Variants in TMEM117 observed in about 807,000 individuals in gnomAD.
TMEM117 encodes the protein transmembrane protein 117.
In TMEM117, 27 loss-of-function variants were observed where a neutral mutation model predicts 52.4. The ratio of observed to expected loss-of-function variants is 0.51; its 90% CI spans 0.38 to 0.71. The LOEUF is 0.71. TMEM117 is among the 30% of genes least tolerant of loss of function. The pLI, the probability that TMEM117 is intolerant of heterozygous loss-of-function variation, is 0.00. For missense variants in TMEM117, 556 were observed against 630.5 expected (o/e 0.88, Z 1.26); for synonymous variants, 215 against 206.3 (o/e 1.04, Z -0.36).
chr12:43,964,174 C>G (rs1945448209), intron 3 of TMEM117, among the ~76,000 whole-genome samples: 1 of 152,118 alleles, frequency 6.6e-6, no homozygotes. Context: ...TTGCTAGTAG[C>G]TCTCGGGGAG....
chr12:44,351,804 T>C (rs1168821019), intron 6 of TMEM117, among the ~76,000 whole-genome samples: 1 of 151,966 alleles, frequency 6.6e-6, no homozygotes, highest in Admixed American at 6.6e-5. Flanking sequence ...ATCCAAGTGA[T>C]TTACAACAAT....
intron 3 of TMEM117, among the ~76,000 whole-genome samples, chr12:43,973,929 T>A (rs879385297): frequency 6.6e-6 from 1 of 152,196 alleles, no homozygotes; most frequent in Non-Finnish European, 1.5e-5. Flanking sequence ...GTGAGACTTT[T>A]TAGAAGCAAA....
At chr12:44,175,892 T>C (rs1949110304) in intron 4 of TMEM117, among the ~76,000 whole-genome samples, 1 of 152,172 alleles carries the variant, frequency 6.6e-6, no homozygotes, top group African/African-American at 2.4e-5. Flanking sequence ...TGAATGGTTT[T>C]TGTTGATATG....
intron 3 of TMEM117, among the ~76,000 whole-genome samples, chr12:44,007,127 G>T (rs749867989): frequency 1.3e-5 from 2 of 151,988 alleles, no homozygotes; most frequent in Non-Finnish European, 1.5e-5. Flanking sequence ...CTCACCCCTT[G>T]TATAATGGCT....
At chr12:43,862,238 G>A (rs547718300) in intron 2 of TMEM117, among the ~76,000 whole-genome samples, 8 of 152,202 alleles carry the variant, frequency 5.3e-5, no homozygotes, top group African/African-American at 1.7e-4. Flanking sequence ...GTGTGCTCTC[G>A]GCTCACTGCA....
At chr12:44,283,079 A>C (rs760097124) in intron 5 of TMEM117, among the ~76,000 whole-genome samples, 2 of 152,248 alleles carry the variant, frequency 1.3e-5, no homozygotes, top group Non-Finnish European at 2.9e-5. Context: ...GAGGTTTGGG[A>C]AACTCCGCCT....
In TMEM117 at chr12:44,290,737, A is replaced by G. The variant is rs190111138; in HGVS notation, c.609-8843A>G. ...ACTGCAAACTCAAACTCCTGGACTCAAGCAATCCTCCCACCTCAGCTTCTG... is the reference window on the plus strand; with the variant it reads ...ACTGCAAACTCAAACTCCTGGACTCGAGCAATCCTCCCACCTCAGCTTCTG... On this transcript the variant is annotated intron_variant, in intron 5 of 7. Transcript: ENST00000266534. Among the ~76,000 whole-genome samples the G allele has an allele frequency of 1.4e-3, 206 of 152,278 alleles. 2 individuals carry two copies. The South Asian group carries it at 0.037, about 28-fold the overall frequency.
At chr12:43,851,114 T>C (rs1344266512) in intron 2 of TMEM117, among the ~76,000 whole-genome samples, 1 of 152,210 alleles carries the variant, frequency 6.6e-6, no homozygotes, top group Non-Finnish European at 1.5e-5. Flanking sequence ...TCTTCCTTCA[T>C]TTATTTTGTT....
the TMEM117 span, chr12:43,804,295 T>A: frequency 1.7e-6 from 1 of 573,022 alleles, no homozygotes; most frequent in East Asian, 3.6e-5. Flanking sequence ...ATCTTTCTGT[T>A]TCCCTGATAG....
chr12:43,869,888 C>T (rs896385281), intron 2 of TMEM117, among the ~76,000 whole-genome samples: 2 of 152,152 alleles, frequency 1.3e-5, no homozygotes, highest in African/African-American at 4.8e-5. Flanking sequence ...CATCCATTAA[C>T]TTTTATTCCT....
At chr12:44,286,180 T>A (rs1424741762) in intron 5 of TMEM117, among the ~76,000 whole-genome samples, 1 of 151,976 alleles carries the variant, frequency 6.6e-6, no homozygotes, top group African/African-American at 2.4e-5. Context: ...AAATCAAAGT[T>A]ATTTTTATTT....
At chr12:44,293,160 T>G (rs1950725740) in intron 5 of TMEM117, among the ~76,000 whole-genome samples, 1 of 152,084 alleles carries the variant, frequency 6.6e-6, no homozygotes. Context: ...TTGACACTTG[T>G]TATTATATAA....
chr12:44,056,454 A>G (rs533107939), intron 3 of TMEM117, among the ~76,000 whole-genome samples: 1 of 152,282 alleles, frequency 6.6e-6, no homozygotes, highest in African/African-American at 2.4e-5. Context: ...TTTTATTTTA[A>G]TCTCTTTTCT....
chr12:44,143,065 G>A (rs898607213), intron 3 of TMEM117, among the ~76,000 whole-genome samples: 2 of 152,026 alleles, frequency 1.3e-5, no homozygotes, highest in Non-Finnish European at 2.9e-5. Context: ...TATTCTGAAC[G>A]TTATTCAGGT....
intron 3 of TMEM117, among the ~76,000 whole-genome samples, chr12:44,035,082 G>A (rs947096977): frequency 6.6e-6 from 1 of 152,210 alleles, no homozygotes; most frequent in African/African-American, 2.4e-5. Context: ...GAATTACAGT[G>A]CTGGCTTTCT....
the TMEM117 span, among the ~76,000 whole-genome samples, chr12:44,398,173 T>C: frequency 1.3e-4 from 20 of 152,060 alleles, no homozygotes; most frequent in South Asian, 4.2e-3. Context: ...CAAATAAATC[T>C]GGACATTGAA....
intron 3 of TMEM117, among the ~76,000 whole-genome samples, chr12:43,996,460 G>A (rs1946032284): frequency 1.3e-5 from 2 of 152,046 alleles, no homozygotes; most frequent in African/African-American, 2.4e-5. Context: ...TGGATAACAC[G>A]GTGAAACCCT....
At chr12:44,049,085 A>T (rs1004696949) in intron 3 of TMEM117, among the ~76,000 whole-genome samples, 2 of 152,032 alleles carry the variant, frequency 1.3e-5, no homozygotes, top group Admixed American at 1.3e-4. Context: ...AAGGAATATA[A>T]ATCATTCTAC....
At chr12:43,835,778 C>G (rs1429688051), upstream of TMEM117, among the ~76,000 whole-genome samples, 1 of 152,022 alleles carries the variant, frequency 6.6e-6, no homozygotes, top group Non-Finnish European at 1.5e-5. Context: ...AGAGGCGGGC[C>G]GGCCCGGGCA....
Sources: gnomAD v4.1 joint callset for allele counts (sites outside exome capture counted in the v4.1 genomes callset) on GRCh38, gnomAD v4.1.1 for gene constraint, MANE v1.5 for transcripts, NCBI Gene and HGNC (gene_info 2026-07-23, HGNC 2026-07-21) for gene names.